Variants in NF2 observed in about 807,000 individuals in gnomAD.
The protein encoded by NF2 is NF2, moesin-ezrin-radixin like (MERLIN) tumor suppressor.
In NF2, 8 loss-of-function variants were observed where a neutral mutation model predicts 83.7. The observed-to-expected ratio is 0.10, with a 90% CI of 0.06 to 0.17. NF2 has a LOEUF of 0.17. Among genes scored for constraint, NF2 ranks in the 10% least tolerant of loss-of-function variants. The pLI is 1.00. For missense variants in NF2, 533 were observed against 744.4 expected, an observed-to-expected ratio of 0.72 and a Z score of 3.31; for synonymous variants, 266 against 269.6, an observed-to-expected ratio of 0.99 and a Z score of 0.13.
chr22:29,615,122 T>C (rs1197489404), intron 1 of NF2, among the ~76,000 whole-genome samples: 1 of 152,104 alleles, frequency 6.6e-6, no homozygotes, highest in Non-Finnish European at 1.5e-5. Flanking sequence ...AGGTGGAGGT[T>C]GCAGTGAGCT....
intron 1 of NF2, among the ~76,000 whole-genome samples, chr22:29,625,320 GTTAA>G (rs1263660617): frequency 6.6e-6 from 1 of 152,148 alleles, no homozygotes; most frequent in African/African-American, 2.4e-5. Flanking sequence ...TTCTGCCATA[GTTAA>G]TTATTCTGCA....
intron 4 of NF2, among the ~76,000 whole-genome samples, chr22:29,646,926 C>G (rs1018968779): frequency 6.6e-6 from 1 of 151,248 alleles, no homozygotes; most frequent in Non-Finnish European, 1.5e-5. Flanking sequence ...GTCCCAGCTA[C>G]TTGGGAGGCT....
chr22:29,622,131 T>A (rs935683739), intron 1 of NF2, among the ~76,000 whole-genome samples: 1 of 152,222 alleles, frequency 6.6e-6, no homozygotes, highest in Non-Finnish European at 1.5e-5. Context: ...AAAGAAGAGA[T>A]CATTTGAAGG....
intron 7 of NF2, among the ~76,000 whole-genome samples, chr22:29,660,768 C>T (rs2066455439): frequency 6.6e-6 from 1 of 152,098 alleles, no homozygotes; most frequent in Non-Finnish European, 1.5e-5. Context: ...GGGGTTTCAC[C>T]ATGCTGGCCA....
chr22:29,673,555 G>A (rs1244871954), intron 12 of NF2, 69 bp downstream of exon 12: 4 of 1,518,708 alleles, frequency 2.6e-6, no homozygotes, highest in Non-Finnish European at 3.6e-6. Context: ...CTGCCCTGAG[G>A]CTGAGCTCTA....
chr22:29,660,426 T>G (rs1294853024), intron 7 of NF2, among the ~76,000 whole-genome samples: 1 of 152,202 alleles, frequency 6.6e-6, no homozygotes, highest in Non-Finnish European at 1.5e-5. Flanking sequence ...GATTCTACAG[T>G]TAACATTTTA....
intron 1 of NF2, chr22:29,609,097 T>A (rs1211429554): frequency 5.4e-6 from 4 of 747,550 alleles, no homozygotes; most frequent in Non-Finnish European, 1.0e-5. Flanking sequence ...AGTACATCTT[T>A]CATCTCGAGG....
intron 6 of NF2, among the ~76,000 whole-genome samples, chr22:29,657,507 G>A (rs1405144963): frequency 1.3e-5 from 2 of 152,198 alleles, no homozygotes; most frequent in Non-Finnish European, 2.9e-5. Context: ...AACACTTGGC[G>A]TTCTCTCAGG....
rs767370654 is a variant in NF2, at chr22:29,668,313, G to A, written c.886-20G>A. 5 of 1,589,954 alleles carry A rather than the reference G, an allele frequency of 3.1e-6. No homozygotes were observed. In the Admixed American group the frequency reaches 5.0e-5, roughly 16 times the overall value. ...TAAATTTGTGGATATTAACCTTTTT[G>A]TCTGCTTCTGTGGCCACAGATTCTC... On this transcript the variant is annotated intron_variant, in intron 9 of 15. Coordinates refer to ENST00000338641, the MANE Select transcript of NF2 (RefSeq NM_000268.4).
At chr22:29,619,889 T>C (rs1299212271) in intron 1 of NF2, among the ~76,000 whole-genome samples, 1 of 152,206 alleles carries the variant, frequency 6.6e-6, no homozygotes, top group Non-Finnish European at 1.5e-5. Context: ...AGCAGTTACT[T>C]TGTGCTAGGT....
chr22:29,633,243 G>T (rs2065561885), intron 1 of NF2, among the ~76,000 whole-genome samples: 1 of 152,120 alleles, frequency 6.6e-6, no homozygotes, highest in African/African-American at 2.4e-5. Context: ...TCTTTACTTG[G>T]TTTCCTCAGG....
rs960535764 is a variant in NF2, at chr22:29,695,020, G to C, written c.*218G>C. 9.7e-6 allele frequency: 6 copies of C among 617,800 alleles called. No individual in the cohort carries two copies. The highest frequency in any genetic ancestry group is 3.7e-5 in the African/African-American group (2 of 54,184). The allele number at this position is 617,800 out of a possible 1,614,324, so 38.3% of individuals were successfully genotyped here. On this transcript the variant is annotated 3_prime_UTR_variant, in exon 16 of 16. Coordinates refer to ENST00000338641, the MANE Select transcript of NF2 (RefSeq NM_000268.4). This position sits in a 1 kb window ranked among gnomAD's most constrained non-coding sequence, Gnocchi z 5.4. ...TTCTCTCATGGCGTTCTAGTTCTCT[G>C]ACCTGAGTCTTTGTTTTAAGAAGTA...
chr22:29,643,747 C>T (rs867849043), intron 4 of NF2, among the ~76,000 whole-genome samples: 211 of 152,338 alleles, frequency 1.4e-3, no homozygotes, highest in African/African-American at 4.8e-3. Context: ...ACCTTTCCCC[C>T]CTTTCTATTC....
In NF2 at chr22:29,663,763, A is replaced by T. The variant is rs76436956; in HGVS notation, c.811-1227A>T. The stretch of plus-strand genomic sequence containing the variant: ...GTGTGAAAGAAATATATCTTCCCAA[A>T]CATATTTATCTGCTTAGCAAGTCTT... On this transcript the variant is annotated intron_variant, in intron 8 of 15. Coordinates refer to ENST00000338641, the MANE Select transcript of NF2 (RefSeq NM_000268.4). 4.8e-3 allele frequency among the ~76,000 whole-genome samples: 729 copies of T among 152,332 alleles called. 4 individuals carry two copies. The highest frequency in any genetic ancestry group is 0.023 in the South Asian group (109 of 4,830).
intron 1 of NF2, among the ~76,000 whole-genome samples, chr22:29,617,296 A>G (rs2065105555): frequency 2.0e-5 from 3 of 152,090 alleles, no homozygotes; most frequent in African/African-American, 7.2e-5. Flanking sequence ...TTTCTTCATT[A>G]AGTAGATTCC....
chr22:29,603,978 C>T lies in NF2; in HGVS notation c.-21C>T. ...AGTGCAGGCCGTGGGGCGCGAGGGT[C>T]CCGGGCCTGAGCCCCGCGCCATGGC... On this transcript the variant is annotated 5_prime_UTR_variant, in exon 1 of 16. Coordinates refer to ENST00000338641, the MANE Select transcript of NF2 (RefSeq NM_000268.4). 3 of 1,550,606 alleles carry T rather than the reference C, an allele frequency of 1.9e-6. No individual in the cohort carries two copies. The highest frequency in any genetic ancestry group is 2.6e-6 in the Non-Finnish European group (3 of 1,143,788).
At chr22:29,605,947 T>A (rs2064782629) in intron 1 of NF2, among the ~76,000 whole-genome samples, 1 of 152,164 alleles carries the variant, frequency 6.6e-6, no homozygotes, top group Admixed American at 6.6e-5. Context: ...CAATTGAAAG[T>A]TGGAGCTCTC....
chr22:29,639,775 G>T lies in NF2; in HGVS notation c.363+563G>T, dbSNP rs758573575. Among the ~76,000 whole-genome samples, 66 of 150,176 alleles carry T rather than the reference G, an allele frequency of 4.4e-4. 1 individual carries two copies. Among genetic ancestry groups the T allele is most frequent in the Admixed American group, 6.6e-4 (10 of 15,054 alleles). On this transcript the variant is annotated intron_variant, in intron 3 of 15. Coordinates refer to ENST00000338641, the MANE Select transcript of NF2 (RefSeq NM_000268.4). The stretch of plus-strand genomic sequence containing the variant: ...CAGGTGCCTGTAGTCCCAGCTACTC[G>T]GGAGGCTGAGGCAGGAGAATCACTT...
intron 10 of NF2, among the ~76,000 whole-genome samples, chr22:29,671,209 G>A (rs973552834): frequency 2.6e-5 from 4 of 152,170 alleles, no homozygotes; most frequent in African/African-American, 9.7e-5. Flanking sequence ...CATTGGCAAG[G>A]TAGCCATTTC....
Sources: allele counts gnomAD v4.1 joint callset (sites outside exome capture counted in the v4.1 genomes callset), GRCh38; gene constraint gnomAD v4.1.1; non-coding constraint Gnocchi (gnomAD v3.1); transcripts MANE v1.5; gene names NCBI Gene and HGNC (gene_info 2026-07-23, HGNC 2026-07-21).